The following TBATA variants were observed in gnomAD, a reference collection of about 807,000 sequenced individuals.
TBATA encodes thymus, brain and testes associated.
A neutral mutation model predicts 38.7 loss-of-function variants in TBATA; 47 were observed. The ratio of observed to expected loss-of-function variants is 1.21; its 90% CI spans 0.96 to 1.55. TBATA has a LOEUF of 1.55. Among genes scored for constraint, TBATA ranks in the 40% most tolerant of loss-of-function variants. TBATA has a pLI of 0.00. For synonymous variants in TBATA, 183 were observed against 170.5 expected, an observed-to-expected ratio of 1.07 and a Z score of -0.57; for missense variants, 436 against 435.6, an observed-to-expected ratio of 1.00 and a Z score of -0.01.
intron 8 of TBATA, among the ~76,000 whole-genome samples, chr10:70,774,708 G>C (rs987712315): frequency 5.3e-5 from 8 of 152,112 alleles, no homozygotes; most frequent in African/African-American, 1.9e-4. Context: ...TCTCCAATTA[G>C]CTTCCTGGTT....
intron 9 of TBATA, among the ~76,000 whole-genome samples, chr10:70,773,421 C>A (rs576542153): frequency 6.6e-6 from 1 of 151,986 alleles, no homozygotes; most frequent in Non-Finnish European, 1.5e-5. Flanking sequence ...ATCAGTGTTT[C>A]CCAAACTCTG....
rs201423948 is a variant in TBATA, at chr10:70,779,718, A to G, written c.302T>C (p.Val101Ala). ...CAAGGGGGCTGGAAAATCCCTGACG[A>G]CACAGACAGGCTTCCCGGTGAGATC... ...IQDLTGKPVC[V>A]VRDFPAPLPE... Residue 101 changes from valine to alanine, a missense_variant, in exon 5 of 11, where the codon GTC becomes GCC. Transcript: ENST00000456372. The G allele has an allele frequency of 1.1e-3, 1,621 of 1,537,518 alleles. 26 individuals carry two copies. In the South Asian group the frequency reaches 0.02, roughly 19 times the overall value.
intron 7 of TBATA, among the ~76,000 whole-genome samples, 169 bp from the exon 8 acceptor site, chr10:70,775,439 G>A (rs2791197): frequency 0.99 from 150,201 of 152,352 alleles, 74,052 homozygotes; most frequent in East Asian, 1. Context: ...TCCACATTGG[G>A]CTTTGCACTT....
intron 7 of TBATA, among the ~76,000 whole-genome samples, chr10:70,776,166 C>A (rs12221473): frequency 0.33 from 50,146 of 151,990 alleles, 8,330 homozygotes; most frequent in African/African-American, 0.34. Flanking sequence ...CGGTCCCCAG[C>A]AGGTCGGCCT....
In TBATA at chr10:70,778,714, A is replaced by G. The variant is rs1037420370; in HGVS notation, c.428-78T>C. 24 of 1,285,306 alleles carry G rather than the reference A, an allele frequency of 1.9e-5. No individual in the cohort carries two copies. In the African/African-American group the frequency reaches 3.5e-4, roughly 19 times the overall value. 79.6% of individuals were successfully genotyped at this position (1,285,306 alleles called of 1,614,324 possible). A position where few individuals can be genotyped will look rare whatever the true frequency, so the allele number is the denominator to read the frequency against. ...TCCCTGTGCCACCAGGCCTTGGTAG[A>G]GGAGTCTGCTCTCCTTCCTGGCCTC... On this transcript the variant is annotated intron_variant, in intron 5 of 10. Transcript: ENST00000456372.
In TBATA at chr10:70,779,734, C is replaced by T. The variant is rs371780553; in HGVS notation, c.286G>A (p.Gly96Arg). 1.9e-5 allele frequency: 29 copies of T among 1,536,080 alleles called. No individual in the cohort carries two copies. In the East Asian group the frequency reaches 2.9e-4, roughly 15 times the overall value. The change falls in exon 5 of 11, where the codon GGG (glycine) becomes AGG (arginine). Residue 96 changes from glycine to arginine, a missense_variant. By Grantham distance (125) the Gly-to-Arg change is moderately radical (BLOSUM62 -2). Coordinates refer to ENST00000456372, the MANE Select transcript of TBATA (RefSeq NM_001318241.2). ...QHVTHIQDLT[G>R]KPVCVVRDFP... ...TCCCTGACGACACAGACAGGCTTCC[C>T]GGTGAGATCTGCAAAGGGTTAGAGG...
At chr10:70,778,350 C>G (rs1202177184) in intron 6 of TBATA, among the ~76,000 whole-genome samples, 15 of 152,124 alleles carry the variant, frequency 9.9e-5, no homozygotes, top group Admixed American at 9.8e-4. Context: ...TCGAAGGCCC[C>G]CAAGTGCCTC....
chr10:70,779,504 C>T (rs987175011), intron 5 of TBATA, 89 bp downstream of exon 5: 6 of 1,380,212 alleles, frequency 4.3e-6, no homozygotes, highest in Non-Finnish European at 5.7e-6. Flanking sequence ...GAGCGATGGC[C>T]CTTTCCTTCT....
chr10:70,773,140 C>A (rs1454638219), intron 9 of TBATA, among the ~76,000 whole-genome samples: 1 of 152,158 alleles, frequency 6.6e-6, no homozygotes, highest in Non-Finnish European at 1.5e-5. Flanking sequence ...TGAAGCCTGT[C>A]TTCCTCGCTA....
intron 7 of TBATA, among the ~76,000 whole-genome samples, chr10:70,776,913 T>C (rs1044871534): frequency 3.3e-5 from 5 of 151,976 alleles, no homozygotes; most frequent in African/African-American, 9.7e-5. Context: ...TCGACAACAG[T>C]GCGTTCATGC....
At position 70,777,118 on chromosome 10, in the gene TBATA, G is replaced by C. The variant is rs759599753; in HGVS notation, c.693+35C>G. ...CGGTTTGTAAGACCCCTAATGTGGA[G>C]AGCCAGGAGCCTGGGAGCAGAACTG... is the stretch of plus-strand genomic sequence containing the variant. On this transcript the variant is annotated intron_variant, in intron 7 of 10. Transcript: ENST00000456372. 3.1e-6 allele frequency: 5 copies of C among 1,601,656 alleles called. No homozygotes were observed. The Admixed American group carries it at 5.1e-5, about 16-fold the overall frequency.
At chr10:70,781,686 C>T in intron 4 of TBATA, 115 bp downstream of exon 4, 1 of 1,030,528 alleles carries the variant, frequency 9.7e-7, no homozygotes, top group Non-Finnish European at 1.4e-6. Flanking sequence ...GATCCTGGAC[C>T]CCATCCTCTC....
chr10:70,780,134 A>T (rs375912155), intron 4 of TBATA, among the ~76,000 whole-genome samples: 4 of 152,162 alleles, frequency 2.6e-5, no homozygotes, highest in African/African-American at 9.7e-5. Flanking sequence ...ATTATGTCAC[A>T]GTTCATGATG....
intron 4 of TBATA, among the ~76,000 whole-genome samples, chr10:70,781,090 T>C (rs1440769560): frequency 1.3e-5 from 2 of 152,204 alleles, no homozygotes; most frequent in South Asian, 4.1e-4. Context: ...TCCGTTCTCC[T>C]CTCCTACTTT....
chr10:70,783,346 G>A lies in TBATA; in HGVS notation c.34C>T (p.Leu12=), dbSNP rs368852464. Residue 12 remains leucine (L), a synonymous_variant, in exon 3 of 11, where the codon CTG becomes TTG. Coordinates refer to ENST00000456372, the MANE Select transcript of TBATA (RefSeq NM_001318241.2). ...ATDVQLADYP[L]MSPKAELKLE... is the part of the protein sequence containing the mutation. Reference sequence around the variant, plus strand: ...GGGCATTTGGAGCCTCACCTCATCAGTGGATAATCAGCCAATTGAACATCT... The same window carrying A: ...GGGCATTTGGAGCCTCACCTCATCAATGGATAATCAGCCAATTGAACATCT... 24 of 1,614,078 alleles carry A rather than the reference G, an allele frequency of 1.5e-5. No individual in the cohort carries two copies. Among genetic ancestry groups the A allele is most frequent in the Non-Finnish European group, 1.9e-5 (23 of 1,180,032 alleles).
At chr10:70,773,468 C>CCG (rs770322572) in intron 9 of TBATA, among the ~76,000 whole-genome samples, 19 of 151,538 alleles carry the variant, frequency 1.3e-4, no homozygotes, top group Non-Finnish European at 2.7e-4. Context: ...AATACAGGCC[C>CCG]CCCCGGCTTC....
chr10:70,778,048 C>T (rs1490835173), intron 6 of TBATA, among the ~76,000 whole-genome samples: 1 of 152,220 alleles, frequency 6.6e-6, no homozygotes, highest in South Asian at 2.1e-4. Flanking sequence ...AGCTGCCTCT[C>T]AGGTGACTTT....
intron 5 of TBATA, among the ~76,000 whole-genome samples, chr10:70,779,228 G>T (rs1843823326): frequency 6.6e-6 from 1 of 152,224 alleles, no homozygotes; most frequent in Admixed American, 6.5e-5. Context: ...CAGCACTGTG[G>T]CTGATTGTTC....
At chr10:70,779,466 G>A (rs1266257197) in intron 5 of TBATA, 127 bp downstream of exon 5, 5 of 1,131,828 alleles carry the variant, frequency 4.4e-6, no homozygotes, top group Non-Finnish European at 5.9e-6. Context: ...AAAAAGTGGG[G>A]TTCCCCCAAC....
Sources: gnomAD v4.1 joint callset for allele counts (sites outside exome capture counted in the v4.1 genomes callset) on GRCh38, gnomAD v4.1.1 for gene constraint, MANE v1.5 for transcripts, NCBI Gene and HGNC (gene_info 2026-07-23, HGNC 2026-07-21) for gene names.